Variants in SOD2 observed in about 807,000 individuals in gnomAD.
The protein encoded by SOD2 is superoxide dismutase [Mn], mitochondrial.
In SOD2, 11 loss-of-function variants were observed where a neutral mutation model predicts 27.0. The ratio of observed to expected loss-of-function variants is 0.41; its 90% CI spans 0.26 to 0.67. The LOEUF (loss-of-function observed/expected upper bound fraction) is 0.67, where lower values mean the gene tolerates loss of function less well. Ranked by LOEUF, SOD2 falls within the 30% of genes least tolerant of loss-of-function variation. The pLI is 0.34. For synonymous variants in SOD2, 105 were observed against 103.0 expected (o/e 1.02, Z -0.12); for missense variants, 250 against 274.5 (o/e 0.91, Z 0.63).
Position 159,761,233 on chromosome 6 carries a change from CG to C in SOD2, c.-533del, listed in dbSNP as rs1432479768. On this transcript the variant is annotated 5_prime_UTR_variant, in exon 1 of 8. Coordinates refer to the SOD2 transcript ENST00000546087. ...AGGTGTTCCCAACAAGTTGCTGTAA[CG>C]GTGGCCCCTCATAAGCTTGCCTGGA... 7 of 200,216 alleles carry C rather than the reference CG, an allele frequency of 3.5e-5. No individual in the cohort carries two copies. The Admixed American group carries it at 4.1e-4, about 12-fold the overall frequency. 12.4% of individuals were successfully genotyped at this position (200,216 alleles called of 1,614,324 possible). A position where few individuals can be genotyped will look rare whatever the true frequency, so the allele number is the denominator to read the frequency against.
At position 159,675,675 on chromosome 6, in the gene SOD2, G is replaced by A. The variant is rs28749211; in HGVS notation, c.*6818C>T. 2 of 152,096 alleles carry A rather than the reference G, an allele frequency of 1.3e-5. No homozygotes were observed. Among genetic ancestry groups the A allele is most frequent in the African/African-American group, 4.8e-5 (2 of 41,416 alleles). The allele number at this position is 152,096 out of a possible 1,614,324, so 9.4% of individuals were successfully genotyped here. A position where few individuals can be genotyped will look rare whatever the true frequency, so the allele number is the denominator to read the frequency against. On this transcript the variant is annotated 3_prime_UTR_variant, in exon 5 of 5. Transcript: ENST00000538183. ...AGAAAACCTATGCAGTACCATTCAG[G>A]ACACAGGCATGGGCAAGGACTTCAT... is the stretch of plus-strand genomic sequence containing the variant.
rs142128929 is a variant in SOD2, at chr6:159,698,647, G to A, written c.-115-5784C>T. On this transcript the variant is annotated intron_variant, in intron 1 of 2. Transcript: ENST00000401980. ...AAAAAACAAGAAAAGAAATCTGACT[G>A]TAACTTTTGACTCCCCAAAAACTTA... 3.3e-3 allele frequency among the ~76,000 whole-genome samples: 488 copies of A among 147,224 alleles called. 1 individual carries two copies. Among genetic ancestry groups the A allele is most frequent in the Admixed American group, 5.6e-3 (83 of 14,858 alleles).
At chr6:159,726,598 A>G (rs1048019) in intron 1 of SOD2, 110,035 of 368,852 alleles carry the variant, frequency 0.3, 16,940 homozygotes, top group East Asian at 0.4. Context: ...TGGCAGTCTT[A>G]CTTCAGGGAG....
At chr6:159,702,642 G>A (rs2495278) in intron 1 of SOD2, among the ~76,000 whole-genome samples, 92,190 of 120,570 alleles carry the variant, frequency 0.76, 35,427 homozygotes, top group South Asian at 0.85. Context: ...ATACAGGGAA[G>A]CTCTATCTCT....
intron 1 of SOD2, among the ~76,000 whole-genome samples, chr6:159,712,304 ATAACCACCACTCACACTGCTCTG>A (rs1777817361): frequency 1.4e-5 from 2 of 147,998 alleles, no homozygotes; most frequent in Non-Finnish European, 3.0e-5. Flanking sequence ...AACCACCTCC[ATAACCACCACTCACACTGCTCTG>A]ATCACCCTAA....
chr6:159,701,452 T>TTA (rs1777521292), intron 1 of SOD2, among the ~76,000 whole-genome samples: 1 of 151,806 alleles, frequency 6.6e-6, no homozygotes, highest in African/African-American at 2.4e-5. Context: ...ATGCCTATAG[T>TTA]CCCAGCTACT....
chr6:159,739,604 T>C (rs1779121516), intron 1 of SOD2, among the ~76,000 whole-genome samples: 1 of 152,210 alleles, frequency 6.6e-6, no homozygotes. Context: ...TGTTCTGTGT[T>C]TTGTAATTTA....
At chr6:159,694,827 C>T (rs1348287832), upstream of SOD2, among the ~76,000 whole-genome samples, 1 of 150,794 alleles carries the variant, frequency 6.6e-6, no homozygotes, top group Non-Finnish European at 1.5e-5. Flanking sequence ...TGGTCTCGAA[C>T]GCCTGACCTC....
chr6:159,731,143 A>G (rs1251737068), upstream of SOD2, among the ~76,000 whole-genome samples: 1 of 151,172 alleles, frequency 6.6e-6, no homozygotes, highest in Non-Finnish European at 1.5e-5. Context: ...TACGTCTCAA[A>G]AAAAAGAAAA....
chr6:159,761,598 C>T (rs1780127338), exon 1 of SOD2: 1 of 455,944 alleles, frequency 2.2e-6, no homozygotes, highest in Admixed American at 2.4e-5. Context: ...GGGCCGGGCT[C>T]GCACTCGAGA....
exon 1 of SOD2, chr6:159,762,198 G>GCGC: frequency 6.4e-7 from 1 of 1,568,410 alleles, no homozygotes; most frequent in African/African-American, 1.4e-5. Flanking sequence ...TTCGGCAGGA[G>GCGC]CGCCGAGGGC....
chr6:159,727,858 C>T (rs1050508677), upstream of SOD2, among the ~76,000 whole-genome samples: 2 of 152,230 alleles, frequency 1.3e-5, no homozygotes, highest in Non-Finnish European at 2.9e-5. Context: ...CTCTACCTTC[C>T]CGCCTGCGGG....
At chr6:159,730,786 C>T (rs941586176), upstream of SOD2, 1 of 152,088 alleles carries the variant, frequency 6.6e-6, no homozygotes, top group African/African-American at 2.4e-5. Context: ...AGACATTTAT[C>T]CAAAATCTGT....
intron 1 of SOD2, among the ~76,000 whole-genome samples, chr6:159,753,835 T>C (rs1779908697): frequency 1.3e-5 from 2 of 152,230 alleles, no homozygotes; most frequent in African/African-American, 4.8e-5. Flanking sequence ...GTTCAAAATT[T>C]CTTACATTTT....
chr6:159,755,561 G>A lies in SOD2; in HGVS notation c.-336+5476C>T, dbSNP rs138607522. The A allele has an allele frequency of 2.2e-3, 3,551 of 1,614,048 alleles. 7 individuals carry two copies. The highest frequency in any genetic ancestry group is 2.6e-3 in the Non-Finnish European group (3,079 of 1,179,990). On this transcript the variant is annotated intron_variant, in intron 1 of 7. Coordinates refer to the SOD2 transcript ENST00000546087. ...TAATCGAACTGTGGGTTCCCGCCAC[G>A]TTCAGAATGGCTTGGACTCAAGTGT...
chr6:159,712,933 G>A (rs1777857100), intron 1 of SOD2: 3 of 635,792 alleles, frequency 4.7e-6, no homozygotes, highest in South Asian at 3.8e-5. Flanking sequence ...AGGTCTCCCT[G>A]TACCTGTGCT....
chr6:159,736,222 TAAATTG>T (rs1473904423), intron 1 of SOD2: 4 of 1,574,936 alleles, frequency 2.5e-6, no homozygotes, highest in African/African-American at 2.7e-5. Flanking sequence ...TGGAAGAAAA[TAAATTG>T]AACTTGTTTT....
chr6:159,721,908 T>C (rs186789737), intron 1 of SOD2, among the ~76,000 whole-genome samples: 43 of 152,268 alleles, frequency 2.8e-4, no homozygotes, highest in Admixed American at 4.6e-4. Context: ...CTAAAGGTTT[T>C]GAAGTCCATT....
At chr6:159,704,988 C>T (rs1481548968) in intron 1 of SOD2, among the ~76,000 whole-genome samples, 1 of 152,188 alleles carries the variant, frequency 6.6e-6, no homozygotes, top group East Asian at 1.9e-4. Context: ...GTTCTGCAGC[C>T]TCCACTGCTG....
Sources: gnomAD v4.1 joint callset for allele counts (sites outside exome capture counted in the v4.1 genomes callset) on GRCh38, gnomAD v4.1.1 for gene constraint, MANE v1.5 for transcripts, NCBI Gene and HGNC (gene_info 2026-07-23, HGNC 2026-07-21) for gene names.